GABRB3: variants seen among roughly 807,000 people sequenced by gnomAD.
The protein encoded by GABRB3 is gamma-aminobutyric acid receptor subunit beta-3.
A neutral mutation model predicts 52.1 loss-of-function variants in GABRB3; 14 were observed. The ratio of observed to expected loss-of-function variants is 0.27; its 90% confidence interval spans 0.18 to 0.42. The LOEUF is 0.42. Ranked by LOEUF, GABRB3 falls within the 10% of genes least tolerant of loss-of-function variation. The pLI is 1.00. For missense variants in GABRB3, 307 were observed against 609.1 expected (o/e 0.50, Z 5.22); for synonymous variants, 260 against 232.3 (o/e 1.12, Z -1.08).
At chr15:26,718,579 T>C (rs1291970179) in intron 3 of GABRB3, among the ~76,000 whole-genome samples, 2 of 152,158 alleles carry the variant, frequency 1.3e-5, no homozygotes, top group African/African-American at 4.8e-5. Context: ...GCATACAATC[T>C]CAAGATTAAT....
intron 3 of GABRB3, among the ~76,000 whole-genome samples, chr15:26,691,326 C>T (rs529029192): frequency 6.6e-6 from 1 of 152,090 alleles, no homozygotes; most frequent in Admixed American, 6.5e-5. Context: ...AAAGAACCAT[C>T]AAGATGCAAA....
At chr15:26,558,255 C>A (rs2140672333) in intron 8 of GABRB3, among the ~76,000 whole-genome samples, 1 of 152,260 alleles carries the variant, frequency 6.6e-6, no homozygotes, top group East Asian at 1.9e-4. Flanking sequence ...TGGTTTTATT[C>A]ACAGACCCTC....
intron 3 of GABRB3, among the ~76,000 whole-genome samples, chr15:26,770,662 AT>A (rs1566837156): frequency 6.6e-6 from 1 of 152,230 alleles, no homozygotes. Flanking sequence ...AAATCAATAC[AT>A]TTTCTCTTCC....
chr15:26,734,713 G>C (rs973910142), intron 3 of GABRB3, among the ~76,000 whole-genome samples: 1 of 151,132 alleles, frequency 6.6e-6, no homozygotes, highest in Non-Finnish European at 1.5e-5. Flanking sequence ...CAAGGGAGGA[G>C]GATTGCTTAA....
chr15:26,743,978 A>G (rs898469795), intron 3 of GABRB3, among the ~76,000 whole-genome samples: 1 of 152,190 alleles, frequency 6.6e-6, no homozygotes, highest in Non-Finnish European at 1.5e-5. Context: ...CTGATGGGGA[A>G]GGAAACTAGG....
At chr15:26,710,406 C>T (rs35381399) in intron 3 of GABRB3, among the ~76,000 whole-genome samples, 30,522 of 152,070 alleles carry the variant, frequency 0.2, 3,451 homozygotes, top group Middle Eastern at 0.29. Flanking sequence ...GGATTACAGG[C>T]ACCTGCCACC....
chr15:26,600,629 A>G (rs1891554763), intron 4 of GABRB3, among the ~76,000 whole-genome samples: 1 of 152,202 alleles, frequency 6.6e-6, no homozygotes, highest in Admixed American at 6.5e-5. Context: ...TTATCCAGTT[A>G]AGCTGTCATT....
intron 4 of GABRB3, among the ~76,000 whole-genome samples, chr15:26,604,880 C>T (rs1876334980): frequency 6.6e-6 from 1 of 151,924 alleles, no homozygotes; most frequent in Admixed American, 6.6e-5. Context: ...TGAGTGACAC[C>T]CCACAAGCCA....
intron 2 of GABRB3, 52 bp from the exon 3 acceptor site, chr15:26,772,521 G>A: frequency 3.8e-6 from 6 of 1,581,588 alleles, no homozygotes; most frequent in African/African-American, 2.7e-5. Context: ...GCGGGGCGCG[G>A]GCGGCTCTGA....
At chr15:26,709,243 T>C (rs1889205348) in intron 3 of GABRB3, among the ~76,000 whole-genome samples, 1 of 152,210 alleles carries the variant, frequency 6.6e-6, no homozygotes. Context: ...GTCTGGGTCA[T>C]GCGGGTGGAG....
At chr15:26,668,696 G>A (rs1887793987) in intron 3 of GABRB3, among the ~76,000 whole-genome samples, 1 of 152,156 alleles carries the variant, frequency 6.6e-6, no homozygotes, top group South Asian at 2.1e-4. Context: ...TAAATCATAT[G>A]TAAATAGAGT....
chr15:26,615,234 A>T (rs1284402028), intron 4 of GABRB3: 1 of 951,702 alleles, frequency 1.1e-6, no homozygotes, highest in Admixed American at 6.2e-5. Flanking sequence ...ACAAAGGACC[A>T]TTAGTCTCTT....
At chr15:26,646,819 C>T (rs1887025230) in intron 3 of GABRB3, among the ~76,000 whole-genome samples, 1 of 152,066 alleles carries the variant, frequency 6.6e-6, no homozygotes, top group African/African-American at 2.4e-5. Flanking sequence ...TGTCTTTTCC[C>T]TATCAGCCAT....
intron 8 of GABRB3, among the ~76,000 whole-genome samples, chr15:26,555,982 T>C (rs1889736838): frequency 6.6e-6 from 1 of 152,196 alleles, no homozygotes; most frequent in South Asian, 2.1e-4. Flanking sequence ...CTTAAACAGA[T>C]ATTTCCAAGA....
chr15:26,626,181 T>C (rs1301629683), intron 3 of GABRB3, among the ~76,000 whole-genome samples: 1 of 152,154 alleles, frequency 6.6e-6, no homozygotes, highest in Non-Finnish European at 1.5e-5. Context: ...GATATTACTA[T>C]TATTATCACT....
chr15:26,611,957 C>T (rs1167838535), intron 4 of GABRB3: 1 of 152,164 alleles, frequency 6.6e-6, no homozygotes, highest in African/African-American at 2.4e-5. Flanking sequence ...TTATTTCACA[C>T]TGTACTTGCT....
At chr15:26,689,082 G>A (rs926662726) in intron 3 of GABRB3, among the ~76,000 whole-genome samples, 5 of 152,184 alleles carry the variant, frequency 3.3e-5, no homozygotes, top group African/African-American at 1.2e-4. Context: ...GCCTCTTTAT[G>A]AAGTGAGTTC....
rs1041825330 is a variant in GABRB3 at position 26,543,647 on chromosome 15, T to C, written c.*4146A>G. The C allele has an allele frequency of 1.3e-5, 2 of 152,642 alleles. No individual in the cohort carries two copies. Among genetic ancestry groups the C allele is most frequent in the African/African-American group, 2.4e-5 (1 of 41,470 alleles). The allele number at this position is 152,642 out of a possible 1,614,324, so 9.5% of individuals were successfully genotyped here. A position where few individuals can be genotyped will look rare whatever the true frequency, so the allele number is the denominator to read the frequency against. On this transcript the variant is annotated 3_prime_UTR_variant, in exon 9 of 9. Transcript: ENST00000311550. ...TTTGCTGTTTTTTCATGTCAAATAA[T>C]ACCAAAAAATTACATCAATGTGCTT...
At chr15:26,632,097 C>T (rs1566784386) in intron 3 of GABRB3, among the ~76,000 whole-genome samples, 2 of 152,224 alleles carry the variant, frequency 1.3e-5, no homozygotes. Context: ...GACAGGCGAC[C>T]TCACTGTCTT....
Sources: gnomAD v4.1 joint callset for allele counts (sites outside exome capture counted in the v4.1 genomes callset) on GRCh38, gnomAD v4.1.1 for gene constraint, MANE v1.5 for transcripts, NCBI Gene and HGNC (gene_info 2026-07-23, HGNC 2026-07-21) for gene names.